Variants in GPI observed in about 807,000 individuals in gnomAD.
GPI encodes the protein D-hexose-6-phosphate anomerase.
Under a neutral mutation model 75.8 loss-of-function variants are expected in GPI, and 56 were observed. The ratio of observed to expected loss-of-function variants is 0.74; its 90% CI spans 0.60 to 0.92. The LOEUF (loss-of-function observed/expected upper bound fraction) is 0.92. Among genes scored for constraint, GPI ranks in the 40% least tolerant of loss-of-function variants. The pLI is 0.00. For missense variants in GPI, 638 were observed against 741.0 expected (o/e 0.86, Z 1.61); for synonymous variants, 288 against 285.4 (o/e 1.01, Z -0.09).
chr19:34,361,433 A>T (rs1311296804), upstream of GPI, among the ~76,000 whole-genome samples: 2 of 152,110 alleles, frequency 1.3e-5, no homozygotes, highest in African/African-American at 4.8e-5. Flanking sequence ...TGGGGAGGAC[A>T]ACAGGGTATC....
chr19:34,366,811 G>C lies in GPI; in HGVS notation c.242G>C (p.Arg81Pro), dbSNP rs575607644. The change falls in exon 3 of 18, where the codon CGG (arginine) becomes CCG (proline). Residue 81 changes from arginine to proline, a missense_variant. Arg to Pro is a moderately radical substitution (Grantham distance 103, BLOSUM62 -2). Transcript: ENST00000356487. The part of the protein sequence containing the change: ...LAKSRGVEAA[R>P]ERMFNGEKIN... ...AAGTCCAGGGGCGTGGAGGCCGCCC[G>C]GGAGCGGATGTTCAATGGTGAGAAG... 6 of 1,613,434 alleles carry C rather than the reference G, an allele frequency of 3.7e-6. No individual in the cohort carries two copies. Among genetic ancestry groups the C allele is most frequent in the Middle Eastern group, 3.5e-4 (2 of 5,770 alleles).
intron 1 of GPI, 23 bp downstream of exon 1, chr19:34,365,411 G>C (rs2074344670): frequency 1.3e-6 from 2 of 1,558,492 alleles, no homozygotes; most frequent in Non-Finnish European, 8.6e-7. Flanking sequence ...CGGAGGCGGG[G>C]GCTGCCACGC....
At chr19:34,381,912 G>A (rs1356368219) in intron 9 of GPI, among the ~76,000 whole-genome samples, 1 of 152,186 alleles carries the variant, frequency 6.6e-6, no homozygotes, top group Non-Finnish European at 1.5e-5. Flanking sequence ...GTATGACCGG[G>A]TAGGCCTGGA....
intron 1 of GPI, 34 bp downstream of exon 1, chr19:34,365,422 G>T: frequency 6.5e-7 from 1 of 1,535,354 alleles, no homozygotes; most frequent in Non-Finnish European, 8.7e-7. Context: ...GCTGCCACGC[G>T]CGGCGCCCGG....
chr19:34,371,260 A>G (rs557885804), intron 4 of GPI, among the ~76,000 whole-genome samples: 5 of 152,352 alleles, frequency 3.3e-5, no homozygotes, highest in Middle Eastern at 3.4e-3. Context: ...AACATTCCCC[A>G]TGGCTGTGCT....
rs935964586 is a variant in GPI at position 34,393,636 on chromosome 19, T to C, written c.866-92T>C. 1.5e-5 allele frequency: 19 copies of C among 1,266,832 alleles called. No individual in the cohort carries two copies. Among genetic ancestry groups the C allele is most frequent in the South Asian group, 2.4e-5 (2 of 84,158 alleles). 78.5% of individuals were successfully genotyped at this position (1,266,832 alleles called of 1,614,324 possible). On this transcript the variant is annotated intron_variant, in intron 10 of 17. Coordinates refer to ENST00000356487, the MANE Select transcript of GPI (RefSeq NM_000175.5). This position sits in a 1 kb window ranked among gnomAD's most constrained non-coding sequence, Gnocchi z 4.4. The stretch of plus-strand genomic sequence containing the variant: ...CCATGTCGTATCTTCTGGCTCTCCA[T>C]GCAGCCTTCCTTCGTTGCAGAAGGA...
Position 34,376,863 on chromosome 19 carries a change from C to T in GPI, c.403-640C>T, listed in dbSNP as rs534943658. On this transcript the variant is annotated intron_variant, in intron 4 of 17. Coordinates refer to ENST00000356487, the MANE Select transcript of GPI (RefSeq NM_000175.5). ...AGTAATTCGAGACCAGCCTGGCCAA[C>T]ATGGCAAAACCTCGTCCCTACTAAA... 6.6e-5 allele frequency among the ~76,000 whole-genome samples: 10 copies of T among 152,210 alleles called. No individual in the cohort carries two copies. The East Asian group carries it at 1.4e-3, about 21-fold the overall frequency.
At position 34,383,523 on chromosome 19, in the gene GPI, G is replaced by C. The variant is rs564699095; in HGVS notation, c.804+2004G>C. On this transcript the variant is annotated intron_variant, in intron 9 of 17. Coordinates refer to ENST00000356487, the MANE Select transcript of GPI (RefSeq NM_000175.5). Reference sequence around the variant, plus strand: ...TGCACAAGTTTAGAACCCAGGATTAGGGACACACAGGTCAGCACCTGCTTC... The same window carrying C: ...TGCACAAGTTTAGAACCCAGGATTACGGACACACAGGTCAGCACCTGCTTC... Among the ~76,000 whole-genome samples the C allele has an allele frequency of 1.1e-4, 17 of 152,342 alleles. No homozygotes were observed. The Middle Eastern group carries it at 0.01, about 91-fold the overall frequency.
chr19:34,397,088 G>C (rs1390712517), intron 14 of GPI, among the ~76,000 whole-genome samples: 1 of 152,044 alleles, frequency 6.6e-6, no homozygotes, highest in African/African-American at 2.4e-5. Context: ...TGGGATTATA[G>C]GCATGAGCCA....
chr19:34,370,021 A>G (rs984272962), intron 4 of GPI, among the ~76,000 whole-genome samples: 1 of 152,262 alleles, frequency 6.6e-6, no homozygotes, highest in Admixed American at 6.5e-5. Flanking sequence ...ACACGTACAC[A>G]TGTGCACATG....
upstream of GPI, among the ~76,000 whole-genome samples, chr19:34,362,672 G>C (rs939988668): frequency 3.3e-5 from 5 of 152,144 alleles, no homozygotes; most frequent in African/African-American, 9.7e-5. Context: ...GCAGGTAGAG[G>C]TGGCCTGGCC....
Position 34,365,205 on chromosome 19 carries a change from GCGCTGC to G in GPI, c.-59_-54del. On this transcript the variant is annotated 5_prime_UTR_variant, in exon 1 of 18. Coordinates refer to ENST00000356487, the MANE Select transcript of GPI (RefSeq NM_000175.5). The stretch of plus-strand genomic sequence containing the variant: ...CGCGCCCACGCGCCTCGCTTGCTGC[GCGCTGC>G]CGGCGCTCCTTCCTCCTCGGCTCGC... 7.2e-7 allele frequency: 1 copy of G among 1,396,708 alleles called. No homozygotes were observed. The highest frequency in any genetic ancestry group is 1.7e-5 in the South Asian group (1 of 57,552). The allele number at this position is 1,396,708 out of a possible 1,614,324, so 86.5% of individuals were successfully genotyped here.
Position 34,365,265 on chromosome 19 carries a change from C to T in GPI, c.-2C>T, listed in dbSNP as rs777192502. ...TCACTCAGTGTACCTTCTAGTCCCGCCATGGCCGCTCTCACCCGGGACCCC... is the reference window on the plus strand; with the variant it reads ...TCACTCAGTGTACCTTCTAGTCCCGTCATGGCCGCTCTCACCCGGGACCCC... On this transcript the variant is annotated 5_prime_UTR_variant, in exon 1 of 18. Transcript: ENST00000356487. The T allele has an allele frequency of 1.9e-6, 3 of 1,572,576 alleles. No homozygotes were observed. The highest frequency in any genetic ancestry group is 2.6e-6 in the Non-Finnish European group (3 of 1,162,630).
rs1416940824 is a variant in GPI at position 34,368,715 on chromosome 19, TG to T, written c.402+16del. Reference sequence around the variant, plus strand: ...GTCTTTCTGCCAGGTAAGTGGCTACTGGGCCGGACTCACCCTTGGCCGTGTG... The same window carrying T: ...GTCTTTCTGCCAGGTAAGTGGCTACTGGCCGGACTCACCCTTGGCCGTGTG... On this transcript the variant is annotated intron_variant, in intron 4 of 17. Coordinates refer to ENST00000356487, the MANE Select transcript of GPI (RefSeq NM_000175.5). The T allele has an allele frequency of 1.2e-6, 2 of 1,614,160 alleles. No homozygotes were observed. The highest frequency in any genetic ancestry group is 1.7e-6 in the Non-Finnish European group (2 of 1,179,988).
chr19:34,388,718 G>A (rs1348648484), intron 9 of GPI, among the ~76,000 whole-genome samples: 2 of 152,112 alleles, frequency 1.3e-5, no homozygotes, highest in Non-Finnish European at 2.9e-5. Context: ...CACAAAACTG[G>A]GATCTGAGGA....
chr19:34,380,110 C>A (rs1276009809), intron 8 of GPI, among the ~76,000 whole-genome samples: 3 of 150,118 alleles, frequency 2.0e-5, no homozygotes, highest in Non-Finnish European at 4.4e-5. Context: ...GATTCTCCTG[C>A]CTTAGCCTCC....
rs2075003811 is a variant in GPI at position 34,400,266 on chromosome 19, CT to C, written c.*234del. On this transcript the variant is annotated 3_prime_UTR_variant, in exon 18 of 18. Transcript: ENST00000356487. ...GGCTGAAGTGTTTTTGTGCAGCTGACTTTTCTGACCCATGTTCACGTTGTTC... is the reference window on the plus strand; with the variant it reads ...GGCTGAAGTGTTTTTGTGCAGCTGACTTTCTGACCCATGTTCACGTTGTTC... 2 of 612,328 alleles carry C rather than the reference CT, an allele frequency of 3.3e-6. No individual in the cohort carries two copies. 37.9% of individuals were successfully genotyped at this position (612,328 alleles called of 1,614,324 possible). A position where few individuals can be genotyped will look rare whatever the true frequency, so the allele number is the denominator to read the frequency against.
At position 34,381,322 on chromosome 19, in the gene GPI, T is replaced by C. The variant is rs1046523684; in HGVS notation, c.751-144T>C. Reference sequence around the variant, plus strand: ...TGGGCCCTGCCCTCGACTCACAGGCTGCTCCAGCCCTGCCCCATCCCTGGC... The same window carrying C: ...TGGGCCCTGCCCTCGACTCACAGGCCGCTCCAGCCCTGCCCCATCCCTGGC... On this transcript the variant is annotated intron_variant, in intron 8 of 17. Transcript: ENST00000356487. 1.1e-5 allele frequency: 8 copies of C among 739,224 alleles called. No individual in the cohort carries two copies. The African/African-American group carries it at 1.4e-4, about 13-fold the overall frequency. 45.8% of individuals were successfully genotyped at this position (739,224 alleles called of 1,614,324 possible). A position where few individuals can be genotyped will look rare whatever the true frequency, so the allele number is the denominator to read the frequency against.
Position 34,394,101 on chromosome 19 carries a change from A to G in GPI, c.1062+35A>G, listed in dbSNP as rs8108038. 1,490,154 of 1,575,584 alleles carry G rather than the reference A, an allele frequency of 0.95. 706,395 individuals carry two copies. Among genetic ancestry groups the G allele is most frequent in the East Asian group, 1 (44,624 of 44,644 alleles). On this transcript the variant is annotated intron_variant, in intron 12 of 17. Transcript: ENST00000356487. ...GCCAAGCCAGGCCTTGGAGTCAGCA[A>G]GATTTGTGGGGGGTCTGGGAGGTCT...
Sources: allele counts gnomAD v4.1 joint callset (sites outside exome capture counted in the v4.1 genomes callset), GRCh38; gene constraint gnomAD v4.1.1; non-coding constraint Gnocchi (gnomAD v3.1); transcripts MANE v1.5; gene names NCBI Gene and HGNC (gene_info 2026-07-23, HGNC 2026-07-21).